Variants in DZIP1 observed in about 807,000 individuals in gnomAD.
DZIP1 encodes cilium assembly protein DZIP1.
Under a neutral mutation model 107.6 loss-of-function variants are expected in DZIP1, and 97 were observed. The ratio of observed to expected loss-of-function variants is 0.90; its 90% CI spans 0.77 to 1.07. The LOEUF (loss-of-function observed/expected upper bound fraction) is 1.07, where lower values mean the gene tolerates loss of function less well. Among genes scored for constraint, DZIP1 ranks in the 50% least tolerant of loss-of-function variants. DZIP1 has a pLI of 0.00. For missense variants in DZIP1, 1,035 were observed against 1,063.6 expected, an observed-to-expected ratio of 0.97 and a Z score of 0.37; for synonymous variants, 390 against 386.4, an observed-to-expected ratio of 1.01 and a Z score of -0.11.
At chr13:95,611,332 C>T in intron 12 of DZIP1, 113 bp downstream of exon 12, 1 of 772,934 alleles carries the variant, frequency 1.3e-6, no homozygotes, top group Non-Finnish European at 2.2e-6. Context: ...ATCAATACAA[C>T]AAGAAGAATG....
chr13:95,642,050 T>C lies in DZIP1; in HGVS notation c.-21A>G. The C allele has an allele frequency of 2.6e-6, 4 of 1,551,494 alleles. No homozygotes were observed. Among genetic ancestry groups the C allele is most frequent in the Non-Finnish European group, 1.7e-6 (2 of 1,155,858 alleles). On this transcript the variant is annotated 5_prime_UTR_variant, in exon 4 of 23. Coordinates refer to ENST00000376829, the MANE Select transcript of DZIP1 (RefSeq NM_198968.4). ...TGCATAGGAGGAGCCGGGCGGTCTT[T>C]ACCCAGCCTGGGCCGCCTCCCGGGC...
chr13:95,630,212 C>T (rs1450390349), intron 6 of DZIP1, 99 bp from the exon 7 acceptor site: 2 of 1,410,792 alleles, frequency 1.4e-6, no homozygotes, highest in Non-Finnish European at 1.9e-6. Context: ...GGAAACTGTC[C>T]TCTTACTTGG....
chr13:95,600,590 T>TGATA (rs1555306564), intron 14 of DZIP1, among the ~76,000 whole-genome samples: 32,343 of 141,380 alleles, frequency 0.23, 3,860 homozygotes, highest in Middle Eastern at 0.27. Context: ...GATAGATAGA[T>TGATA]GATAGATAGA....
intron 15 of DZIP1, among the ~76,000 whole-genome samples, chr13:95,595,252 TTTTG>T (rs2044415037): frequency 6.6e-6 from 1 of 152,222 alleles, no homozygotes; most frequent in African/African-American, 2.4e-5. Flanking sequence ...CAAAATGCCT[TTTTG>T]TTTAAGATGT....
In DZIP1 at chr13:95,612,072, C is replaced by T. The variant is rs1450764415; in HGVS notation, c.1279G>A (p.Glu427Lys). The change falls in exon 11 of 23, where the codon GAG becomes AAG. Residue 427 changes from glutamate (E) to lysine (K), a missense_variant. By Grantham distance (56) the Glu-to-Lys change is moderately conservative. Coordinates refer to ENST00000376829, the MANE Select transcript of DZIP1 (RefSeq NM_198968.4). Reference sequence around the variant, plus strand: ...TGAGTTATAATCAGCTCATTCTGCTCCTGGAGTCTCTGCCCTAGCTCTTCT... The same window carrying T: ...TGAGTTATAATCAGCTCATTCTGCTTCTGGAGTCTCTGCCCTAGCTCTTCT... Reference protein sequence around the residue: ...RIEELGQRLQEQNELIITQRQ... With the variant: ...RIEELGQRLQKQNELIITQRQ... 4 of 1,613,746 alleles carry T rather than the reference C, an allele frequency of 2.5e-6. No individual in the cohort carries two copies. The highest frequency in any genetic ancestry group is 3.4e-6 in the Non-Finnish European group (4 of 1,180,026).
At chr13:95,617,472 T>C (rs1299408392) in intron 10 of DZIP1, among the ~76,000 whole-genome samples, 3 of 151,944 alleles carry the variant, frequency 2.0e-5, no homozygotes, top group African/African-American at 4.8e-5. Flanking sequence ...CCACGGACAT[T>C]GAGAAGAGAA....
chr13:95,643,218 T>C lies in DZIP1; in HGVS notation c.-388A>G, dbSNP rs1416458088. ...AGACATTCCCCAATCCACCGGGGAATTCCTGCTTGGACCAGACATCAGGAA... is the reference window on the plus strand; with the variant it reads ...AGACATTCCCCAATCCACCGGGGAACTCCTGCTTGGACCAGACATCAGGAA... On this transcript the variant is annotated 5_prime_UTR_variant, in exon 3 of 23. Transcript: ENST00000376829. 1 of 152,120 alleles carries C rather than the reference T, an allele frequency of 6.6e-6. No individual in the cohort carries two copies. Among genetic ancestry groups the C allele is most frequent in the African/African-American group, 2.4e-5 (1 of 41,404 alleles). The allele number at this position is 152,120 out of a possible 1,614,324, so 9.4% of individuals were successfully genotyped here.
intron 14 of DZIP1, among the ~76,000 whole-genome samples, chr13:95,599,995 G>A (rs1182003322): frequency 6.6e-6 from 1 of 152,194 alleles, no homozygotes; most frequent in Non-Finnish European, 1.5e-5. Context: ...GCTGGAGAAT[G>A]CCCTAGCCCC....
intron 19 of DZIP1, 34 bp downstream of exon 19, chr13:95,589,120 T>C (rs1249434496): frequency 6.4e-7 from 1 of 1,572,288 alleles, no homozygotes; most frequent in African/African-American, 1.4e-5. Flanking sequence ...AAAATAATTT[T>C]TTAAATGACC....
chr13:95,592,988 G>A (rs1184833786), intron 16 of DZIP1, among the ~76,000 whole-genome samples: 5 of 152,192 alleles, frequency 3.3e-5, no homozygotes, highest in Non-Finnish European at 7.3e-5. Flanking sequence ...AAGTAAAAGA[G>A]AGTCTTCCAG....
At chr13:95,640,113 C>T (rs1314879386) in intron 5 of DZIP1, among the ~76,000 whole-genome samples, 1 of 152,048 alleles carries the variant, frequency 6.6e-6, no homozygotes, top group East Asian at 1.9e-4. Context: ...CTGCCTCAGC[C>T]TCCCAAGTAG....
chr13:95,612,390 T>C (rs1187842446), intron 10 of DZIP1, among the ~76,000 whole-genome samples: 6 of 152,130 alleles, frequency 3.9e-5, no homozygotes, highest in African/African-American at 7.2e-5. Flanking sequence ...CGTCCCCAAA[T>C]AGACAACACT....
intron 10 of DZIP1, among the ~76,000 whole-genome samples, chr13:95,613,077 C>A (rs2045065067): frequency 6.6e-6 from 1 of 152,072 alleles, no homozygotes; most frequent in Non-Finnish European, 1.5e-5. Context: ...CAGACATATT[C>A]ATCTTTAGAG....
intron 14 of DZIP1, among the ~76,000 whole-genome samples, chr13:95,605,057 T>C (rs768123414): frequency 7.9e-5 from 12 of 152,182 alleles, no homozygotes; most frequent in Non-Finnish European, 1.3e-4. Flanking sequence ...CTGACCCACC[T>C]GAAATGATCT....
rs1878619021 is a variant in DZIP1 at position 95,642,225 on chromosome 13, A to G, written c.-196T>C. On this transcript the variant is annotated 5_prime_UTR_variant, in exon 4 of 23. It removes the in-frame stop codon of an upstream open reading frame in the 5' UTR. Transcript: ENST00000376829. ...AGGGCGCGTCTGCCCGCGCAGGGTC[A>G]GCGTGCACCCAGAACCCTGCGGGAC... The G allele has an allele frequency of 1.6e-6, 1 of 638,844 alleles. No homozygotes were observed. Among genetic ancestry groups the G allele is most frequent in the Non-Finnish European group, 2.5e-6 (1 of 398,850 alleles). The allele number at this position is 638,844 out of a possible 1,614,324, so 39.6% of individuals were successfully genotyped here.
chr13:95,640,349 G>C (rs1878352592), intron 5 of DZIP1, among the ~76,000 whole-genome samples: 1 of 152,114 alleles, frequency 6.6e-6, no homozygotes, highest in Non-Finnish European at 1.5e-5. Flanking sequence ...TCAGTCCTGA[G>C]CAATATTAAC....
intron 8 of DZIP1, 148 bp from the exon 9 acceptor site, chr13:95,622,628 G>C: frequency 2.5e-6 from 2 of 813,522 alleles, no homozygotes; most frequent in East Asian, 2.5e-5. Context: ...TCCTGCTTCT[G>C]CTTCCCTGTG....
chr13:95,595,903 G>A (rs542281551), intron 15 of DZIP1, among the ~76,000 whole-genome samples: 31 of 152,268 alleles, frequency 2.0e-4, no homozygotes, highest in South Asian at 1.7e-3. Flanking sequence ...AGCCTTTGCC[G>A]TTAGTTGTTG....
At position 95,586,107 on chromosome 13, in the gene DZIP1, CT is replaced by C. The variant is rs2044153857; in HGVS notation, c.2247del (p.Val750LeufsTer11). On this transcript the variant is annotated frameshift_variant, in exon 21 of 23. Transcript: ENST00000376829. LOFTEE classifies it high-confidence loss of function. ...TTGCGATGTGGAAACATCTTTTCAA[CT>C]TTTTCAGTAGGTGTTTTAACGGCGA... is the stretch of plus-strand genomic sequence containing the variant. ...AGVAVKTPTE[K>X]VEKMFPHRKN... The C allele has an allele frequency of 6.2e-7, 1 of 1,611,236 alleles. No individual in the cohort carries two copies.
Sources: allele counts gnomAD v4.1 joint callset (sites outside exome capture counted in the v4.1 genomes callset), GRCh38; gene constraint gnomAD v4.1.1; transcripts MANE v1.5; gene names NCBI Gene and HGNC (gene_info 2026-07-23, HGNC 2026-07-21).